Variants in SPRY3 observed in about 807,000 individuals in gnomAD.
The protein encoded by SPRY3 is sprouty RTK signaling antagonist 3.
SPRY3 carries 15 observed loss-of-function variants against 20.2 expected under a neutral mutation model. The observed-to-expected ratio is 0.74, with a 90% CI of 0.50 to 1.14. The LOEUF is 1.14. SPRY3 is among the 50% of genes most tolerant of loss of function. The pLI, the probability that SPRY3 is intolerant of heterozygous loss-of-function variation, is 0.00. For synonymous variants in SPRY3, 143 were observed against 136.5 expected (o/e 1.05, Z -0.33); for missense variants, 364 against 363.9 (o/e 1.00, Z 0.00).
intron 2 of SPRY3, among the ~76,000 whole-genome samples, chrX:155,672,372 AAAAC>A (rs1241295764): frequency 1.8e-5 from 2 of 110,517 alleles, no homozygotes; most frequent in African/African-American, 6.6e-5. Context: ...TTACAAGAAA[AAAAC>A]AAACAACCCC....
chrX:155,745,780 A>G (rs2091222650), intron 2 of SPRY3, among the ~76,000 whole-genome samples: 1 of 152,088 alleles, frequency 6.6e-6, no homozygotes, highest in Admixed American at 6.6e-5. Flanking sequence ...AGCACCGAAT[A>G]TACATTAGTT....
chrX:155,632,701 A>G (rs1557350628), intron 1 of SPRY3, among the ~76,000 whole-genome samples: 1 of 112,461 alleles, frequency 8.9e-6, no homozygotes, highest in East Asian at 2.8e-4. Context: ...CTTCTGTCAC[A>G]TTCTATTGGT....
intron 2 of SPRY3, among the ~76,000 whole-genome samples, chrX:155,726,635 T>C (rs1024124048): frequency 1.3e-5 from 2 of 152,196 alleles, no homozygotes; most frequent in Admixed American, 6.5e-5. Context: ...GAGACTAGGA[T>C]TGCAACTCCT....
At chrX:155,667,729 C>A (rs2068028884) in intron 2 of SPRY3, among the ~76,000 whole-genome samples, 2 of 110,914 alleles carry the variant, frequency 1.8e-5, no homozygotes, top group Admixed American at 9.6e-5. Flanking sequence ...TGACAAAGGA[C>A]TTGTGTTCAG....
intron 1 of SPRY3, among the ~76,000 whole-genome samples, chrX:155,630,488 G>A (rs1265079844): frequency 1.8e-5 from 2 of 111,586 alleles, no homozygotes; most frequent in Non-Finnish European, 3.8e-5. Context: ...GGATAGTTTT[G>A]CTGGTATAGT....
chrX:155,655,155 C>T (rs182686318), intron 1 of SPRY3, among the ~76,000 whole-genome samples: 3 of 110,921 alleles, frequency 2.7e-5, no homozygotes, highest in African/African-American at 6.5e-5. Context: ...GTTGGCTGTA[C>T]GTCTTCTTTT....
At chrX:155,761,203 A>C (rs1482363800) in intron 2 of SPRY3, among the ~76,000 whole-genome samples, 1 of 151,998 alleles carries the variant, frequency 6.6e-6, no homozygotes, top group Non-Finnish European at 1.5e-5. Context: ...TACCTATCCT[A>C]ATTTCTCTTC....
intron 1 of SPRY3, among the ~76,000 whole-genome samples, chrX:155,621,033 A>G (rs2067869325): frequency 9.0e-6 from 1 of 111,586 alleles, no homozygotes; most frequent in African/African-American, 3.3e-5. Context: ...TTTCTACAAC[A>G]GAAAATCAAC....
chrX:155,767,071 C>G lies in SPRY3; in HGVS notation c.-281-891C>G, dbSNP rs184910644. Among the ~76,000 whole-genome samples, 270 of 152,180 alleles carry G rather than the reference C, an allele frequency of 1.8e-3. 1 individual carries two copies. Among genetic ancestry groups the G allele is most frequent in the African/African-American group, 6.3e-3 (261 of 41,532 alleles). ...TAAAATTGTTACTCTCCACCCCACC[C>G]CCACGTTCCTTTAAATTTTGTTTCA... On this transcript the variant is annotated intron_variant, in intron 2 of 3. Transcript: ENST00000675360.
downstream of SPRY3, chrX:155,781,266 A>AG (rs2091461627): frequency 6.0e-6 from 1 of 167,038 alleles, no homozygotes; most frequent in Non-Finnish European, 1.5e-5. Flanking sequence ...TCTCTCCTTC[A>AG]GAGAGAAATA....
At chrX:155,660,717 CT>C (rs368873661) in intron 2 of SPRY3, among the ~76,000 whole-genome samples, 90 of 108,929 alleles carry the variant, frequency 8.3e-4, no homozygotes, top group African/African-American at 2.9e-3. Flanking sequence ...GTGTGCATAT[CT>C]ATCTAGGATT....
intron 2 of SPRY3, among the ~76,000 whole-genome samples, chrX:155,697,520 CACAT>C (rs1307897587): frequency 2.5e-5 from 2 of 80,970 alleles, no homozygotes; most frequent in African/African-American, 1.1e-4. Flanking sequence ...CACACACACA[CACAT>C]ATATATATAT....
chrX:155,619,366 T>C (rs2067864057), intron 1 of SPRY3, among the ~76,000 whole-genome samples: 1 of 110,696 alleles, frequency 9.0e-6, no homozygotes, highest in Non-Finnish European at 1.9e-5. Context: ...TTTCTGTTTT[T>C]TTGTATTTGG....
exon 4 of SPRY3, chrX:155,773,971 C>G (rs1401300959): frequency 2.5e-6 from 4 of 1,613,992 alleles, no homozygotes; most frequent in Non-Finnish European, 2.5e-6. Flanking sequence ...GCCTCCAGCC[C>G]CCTGTAAACA....
At chrX:155,757,486 G>A (rs1330299895) in intron 2 of SPRY3, among the ~76,000 whole-genome samples, 2 of 152,140 alleles carry the variant, frequency 1.3e-5, no homozygotes, top group East Asian at 1.9e-4. Context: ...GAGTACAGCT[G>A]TCTGATAGGT....
intron 3 of SPRY3, among the ~76,000 whole-genome samples, chrX:155,771,666 A>T (rs1028200954): frequency 1.3e-5 from 2 of 152,164 alleles, no homozygotes; most frequent in African/African-American, 4.8e-5. Context: ...CCAAATGAAC[A>T]ATGTGTCCTT....
chrX:155,715,349 G>A (rs1183406544), intron 2 of SPRY3, among the ~76,000 whole-genome samples: 1 of 152,108 alleles, frequency 6.6e-6, no homozygotes, highest in East Asian at 1.9e-4. Flanking sequence ...TTTTGGCTCA[G>A]GGTGTGTCTA....
At chrX:155,671,854 T>C (rs1033324867) in intron 2 of SPRY3, among the ~76,000 whole-genome samples, 1 of 111,809 alleles carries the variant, frequency 8.9e-6, no homozygotes, top group Non-Finnish European at 1.9e-5. Flanking sequence ...CAGTTTCAGC[T>C]TTCTACATAT....
chrX:155,628,113 A>G (rs1204029763), intron 1 of SPRY3, among the ~76,000 whole-genome samples: 1 of 112,081 alleles, frequency 8.9e-6, no homozygotes, highest in African/African-American at 3.2e-5. Context: ...TGCTGCACTG[A>G]ACATACACGT....
Sources: allele counts gnomAD v4.1 joint callset (sites outside exome capture counted in the v4.1 genomes callset), GRCh38; gene constraint gnomAD v4.1.1; transcripts MANE v1.5; gene names NCBI Gene and HGNC (gene_info 2026-07-23, HGNC 2026-07-21).